The following HIVEP2 variants were observed in gnomAD, a reference collection of about 807,000 sequenced individuals.
HIVEP2 encodes the protein HIVEP zinc finger 2, also known as transcription factor HIVEP2.
A neutral mutation model predicts 180.7 loss-of-function variants in HIVEP2; 14 were observed. That is an observed-to-expected ratio of 0.08 (90% CI 0.05 to 0.12). The LOEUF (loss-of-function observed/expected upper bound fraction) is 0.12, where lower values mean the gene tolerates loss of function less well. Among genes scored for constraint, HIVEP2 ranks in the 10% least tolerant of loss-of-function variants. The pLI is 1.00. For synonymous variants in HIVEP2, 1,184 were observed against 1,136.4 expected, an observed-to-expected ratio of 1.04 and a Z score of -0.84; for missense variants, 2,579 against 3,008.5, an observed-to-expected ratio of 0.86 and a Z score of 3.34.
Position 142,772,638 on chromosome 6 carries a change from T to G in HIVEP2, c.2101A>C (p.Lys701Gln). The G allele has an allele frequency of 6.2e-7, 1 of 1,614,220 alleles. No individual in the cohort carries two copies. Among genetic ancestry groups the G allele is most frequent in the Non-Finnish European group, 8.5e-7 (1 of 1,180,040 alleles). ...TCENRKRRKE[K>Q]SVGDEEDTPM... The stretch of plus-strand genomic sequence containing the variant: ...GTGTCCTCTTCATCCCCTACGCTCT[T>G]CTCTTTCCGGCGTTTCCTGTTTTCA... Residue 701 changes from lysine (K) to glutamine (Q), a missense_variant, in exon 5 of 10, where the codon AAG becomes CAG. Transcript: ENST00000367603. The surrounding 1 kb of genome is among the most constrained non-coding windows in gnomAD (Gnocchi z 4.9).
At chr6:142,844,664 A>T (rs1278378564) in intron 1 of HIVEP2, among the ~76,000 whole-genome samples, 1 of 152,232 alleles carries the variant, frequency 6.6e-6, no homozygotes, top group East Asian at 1.9e-4. Flanking sequence ...ATTTCAAAGC[A>T]TCAAGGCTTG....
In HIVEP2 at chr6:142,858,285, C is replaced by T. The variant is rs565849478; in HGVS notation, c.-640-21238G>A. Among the ~76,000 whole-genome samples the T allele has an allele frequency of 1.6e-4, 24 of 152,124 alleles. No individual in the cohort carries two copies. In the South Asian group the frequency reaches 5.0e-3, roughly 32 times the overall value. On this transcript the variant is annotated intron_variant, in intron 1 of 9. Coordinates refer to ENST00000367603, the MANE Select transcript of HIVEP2 (RefSeq NM_006734.4). Reference sequence around the variant, plus strand: ...CAGGGCTGCTCCTGGTGCCTGACCCCCTCACTTCACTCTGGCCCCTCTGCA... The same window carrying T: ...CAGGGCTGCTCCTGGTGCCTGACCCTCTCACTTCACTCTGGCCCCTCTGCA...
intron 1 of HIVEP2, among the ~76,000 whole-genome samples, chr6:142,862,468 A>G (rs905688916): frequency 2.0e-4 from 27 of 137,772 alleles, no homozygotes; most frequent in African/African-American, 7.0e-4. Flanking sequence ...TATGTATCAT[A>G]TATTTTATAA....
intron 2 of HIVEP2, among the ~76,000 whole-genome samples, chr6:142,801,503 T>C (rs1425726130): frequency 6.6e-6 from 1 of 151,658 alleles, no homozygotes; most frequent in Non-Finnish European, 1.5e-5. Context: ...ATCACTGAGA[T>C]AGTGATTGCC....
At chr6:142,859,209 G>A (rs1775905300) in intron 1 of HIVEP2, among the ~76,000 whole-genome samples, 2 of 152,078 alleles carry the variant, frequency 1.3e-5, no homozygotes, top group South Asian at 4.1e-4. Flanking sequence ...AACAGTATAT[G>A]CTTAAAGGCA....
chr6:142,861,085 A>G (rs1423244450), intron 1 of HIVEP2, among the ~76,000 whole-genome samples: 2 of 152,218 alleles, frequency 1.3e-5, no homozygotes, highest in Non-Finnish European at 2.9e-5. Flanking sequence ...GAAACATCAC[A>G]ACAGAACGAC....
intron 1 of HIVEP2, among the ~76,000 whole-genome samples, chr6:142,887,550 G>A (rs1250860922): frequency 6.6e-6 from 1 of 152,070 alleles, no homozygotes; most frequent in East Asian, 1.9e-4. Flanking sequence ...AAATTGCACT[G>A]ACATATTAAC....
At chr6:142,859,748 C>T (rs1395263016) in intron 1 of HIVEP2, among the ~76,000 whole-genome samples, 1 of 139,496 alleles carries the variant, frequency 7.2e-6, no homozygotes, top group Non-Finnish European at 1.5e-5. Flanking sequence ...GCAAGAGAAT[C>T]ACTTGAACCT....
intron 3 of HIVEP2, among the ~76,000 whole-genome samples, chr6:142,783,152 A>G (rs1393585803): frequency 6.6e-6 from 1 of 151,904 alleles, no homozygotes; most frequent in African/African-American, 2.4e-5. Flanking sequence ...ACATGGTGAA[A>G]CCCTGTCTCT....
Position 142,912,532 on chromosome 6 carries a change from A to T in HIVEP2, c.-641+32567T>A, listed in dbSNP as rs1158890620. ...GTCAGCTTCTCAAGGCCAGTGGGTCATGTTCAGTTACCAGTAATGGTCCAT... is the reference window on the plus strand; with the variant it reads ...GTCAGCTTCTCAAGGCCAGTGGGTCTTGTTCAGTTACCAGTAATGGTCCAT... On this transcript the variant is annotated intron_variant, in intron 1 of 9. Transcript: ENST00000367603. Among the ~76,000 whole-genome samples the T allele has an allele frequency of 2.0e-5, 3 of 152,290 alleles. No homozygotes were observed. In the East Asian group the frequency reaches 5.8e-4, roughly 29 times the overall value.
chr6:142,887,976 T>A (rs1270307558), intron 1 of HIVEP2, among the ~76,000 whole-genome samples: 2 of 142,006 alleles, frequency 1.4e-5, no homozygotes, highest in Non-Finnish European at 1.5e-5. Flanking sequence ...AAAAAAAAAT[T>A]GCTTTTTCAA....
intron 1 of HIVEP2, among the ~76,000 whole-genome samples, chr6:142,921,799 T>C (rs1411956638): frequency 6.6e-6 from 1 of 152,204 alleles, no homozygotes; most frequent in Non-Finnish European, 1.5e-5. Context: ...TTAATCCTCC[T>C]TTAGTCAGAA....
intron 2 of HIVEP2, among the ~76,000 whole-genome samples, chr6:142,787,160 G>A (rs1776020420): frequency 6.6e-6 from 1 of 151,894 alleles, no homozygotes; most frequent in Non-Finnish European, 1.5e-5. Context: ...GGAGGCTGAG[G>A]TAAGAAGATC....
chr6:142,887,309 A>G (rs1282677907), intron 1 of HIVEP2, among the ~76,000 whole-genome samples: 2 of 152,206 alleles, frequency 1.3e-5, no homozygotes, highest in African/African-American at 4.8e-5. Context: ...CTATTTGCCA[A>G]AGAAGAAAGA....
At position 142,759,823 on chromosome 6, in the gene HIVEP2, T is replaced by C; in HGVS notation, c.6465A>G (p.Pro2155=). Residue 2155 remains proline, a synonymous_variant, in exon 9 of 10, where the codon CCA becomes CCG. Transcript: ENST00000367603. The part of the protein sequence containing the change: ...SPRRALYHNP[P]LSMGQYLQAE... ...CTTGCAAATACTGTCCCATGGACAA[T>C]GGTGGGTTATGGTATAAAGCCCTTC... 6.2e-7 allele frequency: 1 copy of C among 1,613,272 alleles called. No individual in the cohort carries two copies. The highest frequency in any genetic ancestry group is 8.5e-7 in the Non-Finnish European group (1 of 1,179,492).
chr6:142,811,984 A>G (rs1776711343), intron 2 of HIVEP2, among the ~76,000 whole-genome samples: 1 of 152,220 alleles, frequency 6.6e-6, no homozygotes, highest in African/African-American at 2.4e-5. Context: ...GGTCCCTGAA[A>G]GAAGGGAAGC....
chr6:142,880,219 T>A (rs1303055900), intron 1 of HIVEP2, among the ~76,000 whole-genome samples: 1 of 152,104 alleles, frequency 6.6e-6, no homozygotes, highest in African/African-American at 2.4e-5. Flanking sequence ...AGAGAACAGT[T>A]CCCACCAGCA....
At chr6:142,849,590 T>C (rs1432544273) in intron 1 of HIVEP2, among the ~76,000 whole-genome samples, 3 of 151,968 alleles carry the variant, frequency 2.0e-5, no homozygotes, top group South Asian at 2.1e-4. Context: ...TCAAGGCTCA[T>C]TGCAGCCTTG....
At chr6:142,846,013 T>A (rs900413388) in intron 1 of HIVEP2, among the ~76,000 whole-genome samples, 18 of 152,200 alleles carry the variant, frequency 1.2e-4, no homozygotes, top group African/African-American at 4.1e-4. Flanking sequence ...AGACAGGACA[T>A]CCCTCCTGGC....
Sources: allele counts gnomAD v4.1 joint callset (sites outside exome capture counted in the v4.1 genomes callset), GRCh38; gene constraint gnomAD v4.1.1; non-coding constraint Gnocchi (gnomAD v3.1); transcripts MANE v1.5; gene names NCBI Gene and HGNC (gene_info 2026-07-23, HGNC 2026-07-21).